The following SNX16 variants were observed in gnomAD, a reference collection of about 807,000 sequenced individuals.
The protein encoded by SNX16 is sorting nexin-16.
Under a neutral mutation model 36.7 loss-of-function variants are expected in SNX16, and 35 were observed. The ratio of observed to expected loss-of-function variants is 0.95; its 90% CI spans 0.73 to 1.27. The LOEUF (loss-of-function observed/expected upper bound fraction) is 1.27. Ranked by LOEUF, SNX16 falls within the 50% of genes most tolerant of loss-of-function variation. The probability of loss-of-function intolerance (pLI) is 0.00; values close to 1 mark genes in which losing one functional copy is unlikely to be tolerated. For synonymous variants in SNX16, 134 were observed against 132.0 expected (o/e 1.02, Z -0.10); for missense variants, 367 against 393.6 (o/e 0.93, Z 0.57).
intron 4 of SNX16, among the ~76,000 whole-genome samples, chr8:81,822,960 A>G (rs7834970): frequency 9.0e-4 from 53 of 59,190 alleles, no homozygotes; most frequent in South Asian, 2.7e-3. Flanking sequence ...ATATATATAT[A>G]TATATATATA....
At chr8:81,823,750 T>C (rs2130708879) in intron 4 of SNX16, 42 bp downstream of exon 4, 3 of 1,513,502 alleles carry the variant, frequency 2.0e-6, no homozygotes, top group Non-Finnish European at 2.7e-6. Flanking sequence ...ACGCCAGTTA[T>C]TGGAATGCTT....
At chr8:81,811,039 T>A (rs1290755730) in intron 5 of SNX16, among the ~76,000 whole-genome samples, 32 of 152,154 alleles carry the variant, frequency 2.1e-4, no homozygotes, top group Admixed American at 2.1e-3. Context: ...AAAAATGAAC[T>A]AAAGGCTGTC....
intron 3 of SNX16, among the ~76,000 whole-genome samples, chr8:81,828,642 TTAAGGTTAC>T (rs1173348107): frequency 1.3e-5 from 2 of 152,228 alleles, no homozygotes; most frequent in Admixed American, 6.5e-5. Flanking sequence ...GCAGCTGTAA[TTAAGGTTAC>T]TAATCAATTG....
At chr8:81,829,625 AATT>A (rs1811164289) in intron 2 of SNX16, 109 bp from the exon 3 acceptor site, 2 of 401,054 alleles carry the variant, frequency 5.0e-6, no homozygotes, top group Admixed American at 9.0e-5. Context: ...AGACTATAAC[AATT>A]ATTATGTAAA....
intron 2 of SNX16, among the ~76,000 whole-genome samples, chr8:81,830,338 G>A (rs1423626752): frequency 6.6e-6 from 1 of 152,100 alleles, no homozygotes; most frequent in Admixed American, 6.6e-5. Context: ...GGGAGGCCGA[G>A]GTGGGCGGAT....
chr8:81,813,399 G>A (rs1047394707), intron 5 of SNX16, among the ~76,000 whole-genome samples: 1 of 151,366 alleles, frequency 6.6e-6, no homozygotes, highest in Non-Finnish European at 1.5e-5. Context: ...ATAGGTATAG[G>A]AACTTAAGAC....
At chr8:81,807,256 T>C (rs1291943834) in intron 5 of SNX16, among the ~76,000 whole-genome samples, 1 of 151,914 alleles carries the variant, frequency 6.6e-6, no homozygotes, top group African/African-American at 2.4e-5. Context: ...TGGTGGCTCA[T>C]GCCTGTAATC....
intron 4 of SNX16, among the ~76,000 whole-genome samples, chr8:81,818,148 A>G (rs1236366452): frequency 1.3e-5 from 2 of 152,112 alleles, no homozygotes; most frequent in South Asian, 2.1e-4. Flanking sequence ...TGCAAATTTT[A>G]TAACTATCTG....
intron 4 of SNX16, among the ~76,000 whole-genome samples, chr8:81,820,813 TG>T (rs1168857015): frequency 6.6e-6 from 1 of 151,934 alleles, no homozygotes; most frequent in African/African-American, 2.4e-5. Flanking sequence ...TTTCTCTAAA[TG>T]AATTTTAAAA....
chr8:81,805,692 G>T lies in SNX16; in HGVS notation c.682-2464C>A, dbSNP rs1344814162. ...CCCAGCACTTTGGGAGGCTGAGGCG[G>T]GCAGATCACGAGGTCAGGAGACCAA... On this transcript the variant is annotated intron_variant, in intron 5 of 7. Coordinates refer to ENST00000345957, the MANE Select transcript of SNX16 (RefSeq NM_152836.3). Among the ~76,000 whole-genome samples, 5 of 152,280 alleles carry T rather than the reference G, an allele frequency of 3.3e-5. No homozygotes were observed. The East Asian group carries it at 9.7e-4, about 29-fold the overall frequency.
rs768561520 is a variant in SNX16, at chr8:81,829,433, G to C, written c.459C>G (p.Asp153Glu). Residue 153 changes from aspartate to glutamate, a missense_variant, in exon 3 of 8, where the codon GAC (aspartate) becomes GAG (glutamate). Physicochemically the swap from Asp to Glu is conservative, Grantham distance 45. Transcript: ENST00000345957. Reference protein sequence around the residue: ...RRYTDFSRLNDKLKEMFPGFR... With the variant: ...RRYTDFSRLNEKLKEMFPGFR... Reference sequence around the variant, plus strand: ...TTGGATTTATTATAGTACTTACTTTGTCATTAAGCCTAGAGAAGTCAGTGT... The same window carrying C: ...TTGGATTTATTATAGTACTTACTTTCTCATTAAGCCTAGAGAAGTCAGTGT... 4 of 1,365,182 alleles carry C rather than the reference G, an allele frequency of 2.9e-6. No individual in the cohort carries two copies. The highest frequency in any genetic ancestry group is 3.9e-6 in the Non-Finnish European group (4 of 1,035,222). 84.6% of individuals were successfully genotyped at this position (1,365,182 alleles called of 1,614,324 possible).
At chr8:81,818,874 C>T (rs1231517753) in intron 4 of SNX16, among the ~76,000 whole-genome samples, 2 of 152,070 alleles carry the variant, frequency 1.3e-5, no homozygotes, top group African/African-American at 2.4e-5. Flanking sequence ...CTTAAATATA[C>T]ATGATCAATC....
rs563410986 is a variant in SNX16, at chr8:81,841,996, C to T, written c.-97+126G>A. The stretch of plus-strand genomic sequence containing the variant: ...GGTGGCCTGAAGGTGGCTGGGCTTC[C>T]TGCGGCGCCTCTCCACTCTCCCGCG... On this transcript the variant is annotated intron_variant, in intron 1 of 7. Transcript: ENST00000345957. The T allele has an allele frequency of 2.6e-5, 4 of 152,174 alleles. No homozygotes were observed. In the South Asian group the frequency reaches 8.3e-4, roughly 32 times the overall value. 9.4% of individuals were successfully genotyped at this position (152,174 alleles called of 1,614,324 possible). A position where few individuals can be genotyped will look rare whatever the true frequency, so the allele number is the denominator to read the frequency against.
At position 81,832,602 on chromosome 8, in the gene SNX16, C is replaced by A. The variant is rs544087440; in HGVS notation, c.376-3086G>T. On this transcript the variant is annotated intron_variant, in intron 2 of 7. Transcript: ENST00000345957. ...AATATAAGCTTGAAATACCAAAAAA[C>A]CCCAACTGAATAAAATTTACATTTT... Among the ~76,000 whole-genome samples the A allele has an allele frequency of 3.4e-4, 52 of 151,860 alleles. 1 individual carries two copies. Among genetic ancestry groups the A allele is most frequent in the Admixed American group, 3.2e-3 (49 of 15,228 alleles).
At chr8:81,819,598 G>T (rs1436091010) in intron 4 of SNX16, among the ~76,000 whole-genome samples, 1 of 151,850 alleles carries the variant, frequency 6.6e-6, no homozygotes, top group Non-Finnish European at 1.5e-5. Context: ...ATTTCTGGGG[G>T]TATGTCTTCT....
At chr8:81,816,176 A>ATTTTCTT (rs1810476363) in intron 4 of SNX16, among the ~76,000 whole-genome samples, 1 of 127,062 alleles carries the variant, frequency 7.9e-6, no homozygotes, top group Admixed American at 8.4e-5. Flanking sequence ...TTTACAAAGG[A>ATTTTCTT]TTTTCTTTTT....
chr8:81,802,533 A>T (rs751898186), intron 6 of SNX16, 34 bp from the exon 7 acceptor site: 1 of 1,579,690 alleles, frequency 6.3e-7, no homozygotes, highest in South Asian at 1.1e-5. Flanking sequence ...GTTATTTTCT[A>T]TGAACAAAAC....
At chr8:81,828,576 C>T (rs139548424) in intron 3 of SNX16, among the ~76,000 whole-genome samples, 2 of 152,278 alleles carry the variant, frequency 1.3e-5, no homozygotes, top group East Asian at 1.9e-4. Context: ...GGTCCATGAT[C>T]TTTGCCTCTG....
intron 5 of SNX16, among the ~76,000 whole-genome samples, chr8:81,806,904 T>C (rs1361325625): frequency 6.6e-6 from 1 of 151,948 alleles, no homozygotes; most frequent in African/African-American, 2.4e-5. Context: ...TGAGGAATCC[T>C]ATGGCTTTCC....
Sources: allele counts gnomAD v4.1 joint callset (sites outside exome capture counted in the v4.1 genomes callset), GRCh38; gene constraint gnomAD v4.1.1; transcripts MANE v1.5; gene names NCBI Gene and HGNC (gene_info 2026-07-23, HGNC 2026-07-21).